BANK1: variants seen among roughly 807,000 people sequenced by gnomAD.
BANK1 encodes B cell scaffold protein with ankyrin repeats 1, also known as B-cell scaffold protein with ankyrin repeats.
Under a neutral mutation model 94.5 loss-of-function variants are expected in BANK1, and 95 were observed. The observed-to-expected ratio is 1.00, with a 90% CI of 0.85 to 1.19. BANK1 has a LOEUF of 1.19. Among genes scored for constraint, BANK1 ranks in the 50% most tolerant of loss-of-function variants. The probability of loss-of-function intolerance (pLI) is 0.00; values close to 1 mark genes in which losing one functional copy is unlikely to be tolerated. For synonymous variants in BANK1, 334 were observed against 308.4 expected (o/e 1.08, Z -0.87); for missense variants, 987 against 932.2 (o/e 1.06, Z -0.77).
rs76824200 is a variant in BANK1, at chr4:101,804,847, G to A, written c.70+13897G>A. Among the ~76,000 whole-genome samples, 801 of 152,218 alleles carry A rather than the reference G, an allele frequency of 5.3e-3. 13 individuals carry two copies. In the East Asian group the frequency reaches 0.063, roughly 12 times the overall value. ...TAGTCAGCAGTAGTTGAGTTTTTGAGGAATCAAAGTTATATGGGGATTTTC... is the reference window on the plus strand; with the variant it reads ...TAGTCAGCAGTAGTTGAGTTTTTGAAGAATCAAAGTTATATGGGGATTTTC... On this transcript the variant is annotated intron_variant, in intron 1 of 16. Transcript: ENST00000322953.
intron 1 of BANK1, among the ~76,000 whole-genome samples, chr4:101,819,466 G>C (rs1441021671): frequency 2.0e-5 from 3 of 152,084 alleles, no homozygotes; most frequent in Non-Finnish European, 2.9e-5. Flanking sequence ...TGTTTATAAA[G>C]ATGATATAGA....
At chr4:101,888,861 C>A (rs957138128) in intron 5 of BANK1, among the ~76,000 whole-genome samples, 1 of 152,182 alleles carries the variant, frequency 6.6e-6, no homozygotes, top group East Asian at 1.9e-4. Context: ...ATCTGAAATA[C>A]TTCCCAGCTA....
At chr4:101,894,306 G>A (rs1313583717) in intron 5 of BANK1, among the ~76,000 whole-genome samples, 2 of 151,836 alleles carry the variant, frequency 1.3e-5, no homozygotes, top group African/African-American at 2.4e-5. Context: ...ATGAATGCTG[G>A]GTTTTGTTAT....
rs539646234 is a variant in BANK1 at position 101,861,844 on chromosome 4, GTATTTTTTCTCAA to G, written c.625-672_625-660del. Reference sequence around the variant, plus strand: ...TATTAACCCCAATCTTTCATTCCTAGTATTTTTTCTCAATATTTTTTCACAAAGTTATTCAATA... The same window carrying G: ...TATTAACCCCAATCTTTCATTCCTAGTATTTTTTCACAAAGTTATTCAATA... On this transcript the variant is annotated intron_variant, in intron 3 of 16. Coordinates refer to ENST00000322953, the MANE Select transcript of BANK1 (RefSeq NM_017935.5). Among the ~76,000 whole-genome samples the G allele has an allele frequency of 6.3e-3, 960 of 151,928 alleles. 10 individuals carry two copies. Among genetic ancestry groups the G allele is most frequent in the African/African-American group, 0.021 (887 of 41,480 alleles).
intron 7 of BANK1, among the ~76,000 whole-genome samples, chr4:101,958,479 T>G: frequency 6.6e-6 from 1 of 151,350 alleles, no homozygotes; most frequent in East Asian, 2.0e-4. Flanking sequence ...TTTTTTTTTT[T>G]TTTTCTTAAA....
At chr4:102,008,982 C>T (rs1030418653) in intron 7 of BANK1, among the ~76,000 whole-genome samples, 10 of 152,188 alleles carry the variant, frequency 6.6e-5, no homozygotes, top group African/African-American at 2.4e-4. Context: ...TTTTCTCTGG[C>T]CCCTGGCCCC....
chr4:101,853,012 C>T (rs1727548533), intron 2 of BANK1, among the ~76,000 whole-genome samples: 1 of 151,986 alleles, frequency 6.6e-6, no homozygotes, highest in Non-Finnish European at 1.5e-5. Context: ...TTTTATACAA[C>T]CTTTCACTGT....
chr4:102,042,252 A>T (rs1308608633), intron 10 of BANK1, among the ~76,000 whole-genome samples: 2 of 152,090 alleles, frequency 1.3e-5, no homozygotes, highest in East Asian at 1.9e-4. Flanking sequence ...CCTAACGTAT[A>T]GTCATACATT....
chr4:102,071,434 T>C, intron 14 of BANK1, 130 bp downstream of exon 14: 2 of 898,514 alleles, frequency 2.2e-6, no homozygotes, highest in Admixed American at 2.3e-5. Flanking sequence ...TTTATATTTA[T>C]ATGCAAAACA....
intron 1 of BANK1, among the ~76,000 whole-genome samples, chr4:101,795,669 T>G (rs1479686752): frequency 6.6e-6 from 1 of 152,202 alleles, no homozygotes; most frequent in Non-Finnish European, 1.5e-5. Flanking sequence ...GACATAAAAT[T>G]GAGGCAAAAT....
chr4:101,971,647 C>A (rs1455886492), intron 7 of BANK1, among the ~76,000 whole-genome samples: 2 of 152,026 alleles, frequency 1.3e-5, no homozygotes, highest in Non-Finnish European at 2.9e-5. Context: ...TATTTATAAT[C>A]CACTTTGAGT....
rs769908467 is a variant in BANK1, at chr4:102,071,304, G to A, written c.2242G>A (p.Gly748Ser). Residue 748 changes from glycine (G) to serine (S), a missense_variant and splice_region_variant, in exon 14 of 17, where the codon GGT (glycine) becomes AGT (serine). By Grantham distance (56) the Gly-to-Ser change is moderately conservative (BLOSUM62 0). Transcript: ENST00000322953. ...NKLTIVHHPGGKETAHNENKF... is the reference protein window; with the variant it reads ...NKLTIVHHPGSKETAHNENKF... ...ACTCACCATTGTGCACCATCCAGGT[G>A]GTAAGTGCTTGGTATTTATTGAAGG... 1.9e-6 allele frequency: 3 copies of A among 1,613,590 alleles called. No individual in the cohort carries two copies. The highest frequency in any genetic ancestry group is 2.5e-6 in the Non-Finnish European group (3 of 1,179,636).
intron 1 of BANK1, among the ~76,000 whole-genome samples, chr4:101,796,392 TTC>T (rs1725157866): frequency 3.9e-5 from 6 of 152,220 alleles, no homozygotes; most frequent in Admixed American, 3.9e-4. Context: ...AGCTATCAGC[TTC>T]TCTTTTCAAA....
At chr4:101,829,573 C>T (rs1179989149) in intron 1 of BANK1, among the ~76,000 whole-genome samples, 2 of 151,376 alleles carry the variant, frequency 1.3e-5, no homozygotes, top group African/African-American at 4.9e-5. Flanking sequence ...TGGCTCGTTT[C>T]CTTATTTATT....
intron 2 of BANK1, among the ~76,000 whole-genome samples, chr4:101,836,458 C>T (rs532881685): frequency 2.6e-5 from 4 of 152,172 alleles, no homozygotes; most frequent in African/African-American, 9.6e-5. Flanking sequence ...CCAACCTGGG[C>T]GACAGAGCGA....
At position 102,063,075 on chromosome 4, in the gene BANK1, G is replaced by A; in HGVS notation, c.2149G>A (p.Glu717Lys). The A allele has an allele frequency of 2.5e-6, 4 of 1,613,056 alleles. No individual in the cohort carries two copies. The highest frequency in any genetic ancestry group is 3.4e-6 in the Non-Finnish European group (4 of 1,179,248). The change falls in exon 13 of 17, where the codon GAG (glutamate) becomes AAG (lysine). Residue 717 changes from glutamate (E) to lysine (K), a missense_variant and splice_region_variant. Coordinates refer to ENST00000322953, the MANE Select transcript of BANK1 (RefSeq NM_017935.5). Reference protein sequence around the residue: ...GKSGLEMIQQEKLRQLRDCII... With the variant: ...GKSGLEMIQQKKLRQLRDCII... ...ATGTCCTGGTTGTTTCCACATTAAG[G>A]AGAAATTACGACAACTACGAGACTG...
chr4:101,910,900 C>T (rs1722642947), intron 6 of BANK1, among the ~76,000 whole-genome samples: 2 of 152,100 alleles, frequency 1.3e-5, no homozygotes, highest in Non-Finnish European at 2.9e-5. Context: ...ACAGCCCACA[C>T]TCTCAGAGGG....
chr4:102,071,928 G>T (rs1728775770), intron 14 of BANK1, among the ~76,000 whole-genome samples: 1 of 152,144 alleles, frequency 6.6e-6, no homozygotes. Flanking sequence ...GATGAGAAAT[G>T]GAATGCCAGT....
At chr4:101,797,372 T>A (rs919069881) in intron 1 of BANK1, among the ~76,000 whole-genome samples, 2 of 152,114 alleles carry the variant, frequency 1.3e-5, no homozygotes, top group African/African-American at 4.8e-5. Context: ...GTGTAAAAAA[T>A]TCCCCAAGTA....
Sources: gnomAD v4.1 joint callset for allele counts (sites outside exome capture counted in the v4.1 genomes callset) on GRCh38, gnomAD v4.1.1 for gene constraint, MANE v1.5 for transcripts, NCBI Gene and HGNC (gene_info 2026-07-23, HGNC 2026-07-21) for gene names.